Variants in PDE10A observed in about 807,000 individuals in gnomAD.
The protein encoded by PDE10A is phosphodiesterase 10A.
Under a neutral mutation model 97.7 loss-of-function variants are expected in PDE10A, and 39 were observed. The observed-to-expected ratio is 0.40, with a 90% confidence interval of 0.31 to 0.52. The LOEUF (loss-of-function observed/expected upper bound fraction) is 0.52. Ranked by LOEUF, PDE10A falls within the 20% of genes least tolerant of loss-of-function variation. The pLI is 0.56. For synonymous variants in PDE10A, 371 were observed against 376.8 expected (o/e 0.98, Z 0.18); for missense variants, 731 against 1,047.8 (o/e 0.70, Z 4.17).
intron 1 of PDE10A, among the ~76,000 whole-genome samples, chr6:165,590,820 G>A (rs1786215151): frequency 6.6e-6 from 1 of 152,148 alleles, no homozygotes; most frequent in South Asian, 2.1e-4. Flanking sequence ...GAACCCGGGA[G>A]GCGGAGCTTG....
At chr6:165,740,162 A>G (rs1792682132) in intron 1 of PDE10A, among the ~76,000 whole-genome samples, 1 of 152,208 alleles carries the variant, frequency 6.6e-6, no homozygotes. Flanking sequence ...CTGCACTCCT[A>G]TTGCCCACTG....
At chr6:165,913,202 TAAAATCTGAA>T (rs1459165180) in intron 1 of PDE10A, among the ~76,000 whole-genome samples, 5 of 152,004 alleles carry the variant, frequency 3.3e-5, no homozygotes, top group Non-Finnish European at 7.3e-5. Context: ...GCAAATATTC[TAAAATCTGAA>T]AAAATCTGAA....
intron 1 of PDE10A, among the ~76,000 whole-genome samples, chr6:165,777,126 C>T (rs966627919): frequency 2.6e-5 from 4 of 152,206 alleles, no homozygotes; most frequent in African/African-American, 9.7e-5. Context: ...AGAACAGCAT[C>T]CCGGACGAAT....
chr6:165,667,473 C>A (rs1056488766), upstream of PDE10A, among the ~76,000 whole-genome samples: 11 of 152,114 alleles, frequency 7.2e-5, no homozygotes, highest in Middle Eastern at 3.4e-3. Flanking sequence ...ATTTAATAAA[C>A]ATCAGAATAG....
intron 13 of PDE10A, among the ~76,000 whole-genome samples, chr6:165,410,884 C>A (rs930359105): frequency 3.6e-5 from 5 of 138,092 alleles, no homozygotes; most frequent in African/African-American, 8.5e-5. Context: ...GTCAGGAGAT[C>A]GAGACCATCC....
intron 3 of PDE10A, among the ~76,000 whole-genome samples, chr6:165,459,489 TTAGATAGATAGATAGA>T (rs147229263): frequency 0.22 from 32,612 of 146,754 alleles, 4,016 homozygotes; most frequent in South Asian, 0.37. Flanking sequence ...TTCTAATGCA[TTAGATAGATAGATAGA>T]TAGATAGATA....
chr6:165,887,106 GAGT>G (rs1374697918), intron 1 of PDE10A, among the ~76,000 whole-genome samples: 4 of 152,186 alleles, frequency 2.6e-5, no homozygotes, highest in Non-Finnish European at 1.5e-5. Context: ...ATCAATGAAT[GAGT>G]TAAACAGCAG....
chr6:165,978,619 G>A (rs1784916566), intron 1 of PDE10A, among the ~76,000 whole-genome samples: 1 of 152,174 alleles, frequency 6.6e-6, no homozygotes, highest in Non-Finnish European at 1.5e-5. Flanking sequence ...TGGCCTAGAT[G>A]CTTCAAAAAT....
At chr6:165,356,438 T>C (rs9457079) in intron 18 of PDE10A, among the ~76,000 whole-genome samples, 1,948 of 152,320 alleles carry the variant, frequency 0.013, 39 homozygotes, top group African/African-American at 0.044. Context: ...TACAAAGTTA[T>C]ATAATACCTT....
chr6:165,778,871 T>C (rs1778268499), intron 1 of PDE10A, among the ~76,000 whole-genome samples: 1 of 152,206 alleles, frequency 6.6e-6, no homozygotes, highest in East Asian at 1.9e-4. Context: ...AATTAGATTG[T>C]CTTTTTTAGA....
chr6:165,658,940 C>G (rs909502318), intron 1 of PDE10A, among the ~76,000 whole-genome samples: 1 of 152,182 alleles, frequency 6.6e-6, no homozygotes, highest in East Asian at 1.9e-4. Context: ...GACTCTGTCT[C>G]TATTACTGGA....
intron 1 of PDE10A, among the ~76,000 whole-genome samples, chr6:165,593,216 G>C (rs1424288138): frequency 1.3e-5 from 2 of 152,102 alleles, no homozygotes; most frequent in African/African-American, 4.8e-5. Flanking sequence ...ACGAAACACT[G>C]CATGTTCTCA....
chr6:165,760,285 A>G (rs535874545), intron 1 of PDE10A, among the ~76,000 whole-genome samples: 1 of 152,310 alleles, frequency 6.6e-6, no homozygotes, highest in East Asian at 1.9e-4. Flanking sequence ...TAGAATTGAA[A>G]GTGATTTGAA....
At chr6:165,837,474 A>C (rs1212697351) in intron 1 of PDE10A, among the ~76,000 whole-genome samples, 1 of 151,996 alleles carries the variant, frequency 6.6e-6, no homozygotes, top group Non-Finnish European at 1.5e-5. Flanking sequence ...ATCATAAACT[A>C]TGTTGGCTCT....
chr6:165,719,923 C>A (rs1015359697), intron 1 of PDE10A, among the ~76,000 whole-genome samples: 1 of 152,208 alleles, frequency 6.6e-6, no homozygotes, highest in Non-Finnish European at 1.5e-5. Context: ...GACCAAATAA[C>A]TAACACCACA....
chr6:165,604,460 G>A (rs1164439316), intron 1 of PDE10A, among the ~76,000 whole-genome samples: 1 of 149,300 alleles, frequency 6.7e-6, no homozygotes, highest in East Asian at 2.0e-4. Context: ...ATGCCCACGT[G>A]AGTGTCCACA....
At chr6:165,773,243 A>G (rs966182622) in intron 1 of PDE10A, 1 of 152,218 alleles carries the variant, frequency 6.6e-6, no homozygotes, top group Non-Finnish European at 1.5e-5. Context: ...GCATGTTGAC[A>G]TTATGAGTCC....
At chr6:165,674,710 GC>G (rs1421973199) in intron 1 of PDE10A, among the ~76,000 whole-genome samples, 16 of 152,196 alleles carry the variant, frequency 1.1e-4, no homozygotes, top group Admixed American at 1.0e-3. Flanking sequence ...AGCTCAAAAT[GC>G]CTGAATTTGG....
intron 1 of PDE10A, among the ~76,000 whole-genome samples, chr6:165,715,092 G>T (rs938486683): frequency 6.6e-6 from 1 of 152,216 alleles, no homozygotes; most frequent in Non-Finnish European, 1.5e-5. Flanking sequence ...AGGGACGGCC[G>T]CCCGAGAACC....
Sources: allele counts gnomAD v4.1 joint callset (sites outside exome capture counted in the v4.1 genomes callset), GRCh38; gene constraint gnomAD v4.1.1; transcripts MANE v1.5; gene names NCBI Gene and HGNC (gene_info 2026-07-23, HGNC 2026-07-21).